Variants in SH3KBP1 observed in about 807,000 individuals in gnomAD.
SH3KBP1 encodes SH3 domain-containing kinase-binding protein 1.
SH3KBP1 carries 8 observed loss-of-function variants against 50.1 expected under a neutral mutation model. That is an observed-to-expected ratio of 0.16 (90% CI 0.09 to 0.29). The LOEUF is 0.29. Among genes scored for constraint, SH3KBP1 ranks in the 10% least tolerant of loss-of-function variants. The pLI is 1.00. For missense variants in SH3KBP1, 377 were observed against 535.2 expected (o/e 0.70, Z 2.92); for synonymous variants, 227 against 218.6 (o/e 1.04, Z -0.34).
intron 2 of SH3KBP1, among the ~76,000 whole-genome samples, chrX:19,760,320 G>C (rs1268158474): frequency 9.1e-6 from 1 of 109,771 alleles, no homozygotes; most frequent in African/African-American, 3.3e-5. Flanking sequence ...ACGGGAGACA[G>C]AGCTTGCAGT....
chrX:19,670,254 AAT>A (rs2062752770), intron 6 of SH3KBP1: 1 of 514,443 alleles, frequency 1.9e-6, no homozygotes, highest in Admixed American at 9.1e-5. Flanking sequence ...AAACTAGCCA[AAT>A]ATCTTTACCC....
chrX:19,831,270 A>T (rs1313851620), intron 2 of SH3KBP1, among the ~76,000 whole-genome samples: 1 of 109,868 alleles, frequency 9.1e-6, no homozygotes, highest in Non-Finnish European at 1.9e-5. Context: ...TACAAAAATT[A>T]GCCATGTGTG....
chrX:19,777,906 A>G (rs1208907867), intron 2 of SH3KBP1, among the ~76,000 whole-genome samples: 2 of 111,305 alleles, frequency 1.8e-5, no homozygotes, highest in Non-Finnish European at 3.8e-5. Context: ...AGGAGGTTCT[A>G]ACGTATGCTC....
intron 7 of SH3KBP1, among the ~76,000 whole-genome samples, 156 bp from the exon 8 acceptor site, chrX:19,632,114 C>T (rs2061592713): frequency 9.0e-6 from 1 of 111,639 alleles, no homozygotes; most frequent in East Asian, 2.8e-4. Context: ...CAGAAAATGA[C>T]CCGAGAGTGC....
At chrX:19,789,841 C>T (rs760216976) in intron 2 of SH3KBP1, among the ~76,000 whole-genome samples, 1 of 110,029 alleles carries the variant, frequency 9.1e-6, no homozygotes, top group African/African-American at 3.3e-5. Flanking sequence ...CACTGCCTGC[C>T]CCCTAAAAGC....
At chrX:19,760,292 C>G (rs1180802652) in intron 2 of SH3KBP1, among the ~76,000 whole-genome samples, 3 of 109,473 alleles carry the variant, frequency 2.7e-5, no homozygotes, top group Admixed American at 2.0e-4. Context: ...GAGGCTGAGG[C>G]AGAAGAATGG....
Position 19,685,865 on chromosome X carries a change from C to T in SH3KBP1, c.521-1837G>A, listed in dbSNP as rs780688477. On this transcript the variant is annotated intron_variant, in intron 5 of 17. Transcript: ENST00000397821. Reference sequence around the variant, plus strand: ...CCCTCCCTCAGCACGCTCCCCTCATCACCACCAGAAGGCAGCAGGGCAAAC... The same window carrying T: ...CCCTCCCTCAGCACGCTCCCCTCATTACCACCAGAAGGCAGCAGGGCAAAC... 5.4e-5 allele frequency among the ~76,000 whole-genome samples: 6 copies of T among 111,663 alleles called. No individual in the cohort carries two copies. In the South Asian group the frequency reaches 2.3e-3, roughly 42 times the overall value.
chrX:19,586,549 C>A (rs12838264), intron 12 of SH3KBP1, among the ~76,000 whole-genome samples: 6 of 112,272 alleles, frequency 5.3e-5, no homozygotes, highest in Non-Finnish European at 1.1e-4. Flanking sequence ...TTGCTAAGGT[C>A]ATCAAGGCTG....
chrX:19,778,531 C>T lies in SH3KBP1; in HGVS notation c.163-32090G>A, dbSNP rs370853959. 2.5e-4 allele frequency among the ~76,000 whole-genome samples: 28 copies of T among 110,509 alleles called. 1 individual carries two copies. The South Asian group carries it at 6.3e-3, about 25-fold the overall frequency. On this transcript the variant is annotated intron_variant, in intron 2 of 17. Coordinates refer to ENST00000397821, the MANE Select transcript of SH3KBP1 (RefSeq NM_031892.3). Reference sequence around the variant, plus strand: ...TCCTTGACCTAAGGAGCCTGGCAATCGGGCAGATACGAAGTGAATACACAA... The same window carrying T: ...TCCTTGACCTAAGGAGCCTGGCAATTGGGCAGATACGAAGTGAATACACAA...
intron 6 of SH3KBP1, among the ~76,000 whole-genome samples, chrX:19,655,866 C>A (rs2062266734): frequency 9.0e-6 from 1 of 111,691 alleles, no homozygotes. Context: ...CAGAGCATCA[C>A]AATACAAAGG....
At chrX:19,714,575 G>T (rs1002404063) in intron 3 of SH3KBP1, among the ~76,000 whole-genome samples, 1 of 111,634 alleles carries the variant, frequency 9.0e-6, no homozygotes, top group Admixed American at 9.5e-5. Flanking sequence ...AAAAAAGAAC[G>T]AGATCCTGTC....
chrX:19,819,648 C>A (rs2067465341), intron 2 of SH3KBP1, among the ~76,000 whole-genome samples: 1 of 111,624 alleles, frequency 9.0e-6, no homozygotes, highest in Non-Finnish European at 1.9e-5. Flanking sequence ...CTGTACCCAG[C>A]CTATTGGTCT....
rs1186690221 is a variant in SH3KBP1, at chrX:19,621,073, CTTTTTTT to C, written c.897+10784_897+10790del. On this transcript the variant is annotated intron_variant, in intron 8 of 17. Coordinates refer to ENST00000397821, the MANE Select transcript of SH3KBP1 (RefSeq NM_031892.3). ...TGTGCCAATACCATTTCTTTTCTTTCTTTTTTTTTTTTTTTTTTTGAGACGGAATCTT... is the reference window on the plus strand; with the variant it reads ...TGTGCCAATACCATTTCTTTTCTTTCTTTTTTTTTTTTGAGACGGAATCTT... Among the ~76,000 whole-genome samples, 4 of 32,676 alleles carry C rather than the reference CTTTTTTT, an allele frequency of 1.2e-4. No homozygotes were observed. The East Asian group carries it at 2.8e-3, about 23-fold the overall frequency. 28.4% of individuals were successfully genotyped at this position (32,676 alleles called of 115,157 possible).
At position 19,624,232 on chromosome X, in the gene SH3KBP1, T is replaced by C. The variant is rs932191438; in HGVS notation, c.897+7632A>G. On this transcript the variant is annotated intron_variant, in intron 8 of 17. Coordinates refer to ENST00000397821, the MANE Select transcript of SH3KBP1 (RefSeq NM_031892.3). The stretch of plus-strand genomic sequence containing the variant: ...GTAATACAAATAGAAAGGGTGGAGA[T>C]AGAAACAGAAAAAAAAGGGGAGTTT... Among the ~76,000 whole-genome samples the C allele has an allele frequency of 3.6e-5, 4 of 110,463 alleles. 1 individual carries two copies. Among genetic ancestry groups the C allele is most frequent in the African/African-American group, 6.6e-5 (2 of 30,380 alleles).
intron 2 of SH3KBP1, among the ~76,000 whole-genome samples, chrX:19,813,581 C>T (rs1015899066): frequency 8.9e-6 from 1 of 111,824 alleles, no homozygotes; most frequent in African/African-American, 3.3e-5. Flanking sequence ...CTCCAGAACT[C>T]GTCTTGTAAT....
intron 6 of SH3KBP1, among the ~76,000 whole-genome samples, chrX:19,665,351 T>C (rs1363116886): frequency 8.9e-6 from 1 of 112,237 alleles, no homozygotes; most frequent in African/African-American, 3.2e-5. Flanking sequence ...ACCATGCCTA[T>C]TTGATTCCTA....
At chrX:19,810,641 C>T (rs1181642545) in intron 2 of SH3KBP1, among the ~76,000 whole-genome samples, 2 of 112,534 alleles carry the variant, frequency 1.8e-5, no homozygotes, top group Non-Finnish European at 3.8e-5. Flanking sequence ...AGCTTGAGGG[C>T]TAGGGACTGT....
intron 2 of SH3KBP1, among the ~76,000 whole-genome samples, chrX:19,777,320 C>T (rs982909169): frequency 1.8e-5 from 2 of 110,514 alleles, no homozygotes; most frequent in Admixed American, 1.9e-4. Flanking sequence ...GGGGAAAATC[C>T]CACCAAGAGG....
intron 11 of SH3KBP1, among the ~76,000 whole-genome samples, chrX:19,589,582 C>T (rs967256824): frequency 1.8e-5 from 2 of 111,005 alleles, no homozygotes; most frequent in South Asian, 3.8e-4. Flanking sequence ...GTTGGCCGAA[C>T]GGGGGCAGTG....
Sources: allele counts gnomAD v4.1 joint callset (sites outside exome capture counted in the v4.1 genomes callset), GRCh38; gene constraint gnomAD v4.1.1; transcripts MANE v1.5; gene names NCBI Gene and HGNC (gene_info 2026-07-23, HGNC 2026-07-21).